The following MFSD12 variants were observed in gnomAD, a reference collection of about 807,000 sequenced individuals.
MFSD12 encodes major facilitator superfamily domain containing 12, also known as major facilitator superfamily domain-containing protein 12.
Under a neutral mutation model 51.2 loss-of-function variants are expected in MFSD12, and 67 were observed. That is an observed-to-expected ratio of 1.31 (90% CI 1.08 to 1.60). The LOEUF is 1.60. Among genes scored for constraint, MFSD12 ranks in the 40% most tolerant of loss-of-function variants. MFSD12 has a pLI of 0.00. For missense variants in MFSD12, 921 were observed against 673.0 expected (o/e 1.37, Z -4.08); for synonymous variants, 441 against 316.7 (o/e 1.39, Z -4.17).
At chr19:3,542,703 G>C (rs544390451), downstream of MFSD12, 25 of 1,267,314 alleles carry the variant, frequency 2.0e-5, no homozygotes, top group Admixed American at 1.6e-4. Flanking sequence ...GGCTGGTCTC[G>C]AACTCCTGAC....
chr19:3,542,527 G>A (rs944965138), downstream of MFSD12: 16 of 929,130 alleles, frequency 1.7e-5, no homozygotes, highest in Middle Eastern at 5.4e-4. Flanking sequence ...AGGCTGGAGT[G>A]CAAGGGCACG....
chr19:3,539,070 TGGGAG>T (rs1355219272), intron 4 of MFSD12: 1 of 698,334 alleles, frequency 1.4e-6, no homozygotes, highest in African/African-American at 1.8e-5. Flanking sequence ...ACCCCGCAGC[TGGGAG>T]GAGGGAGTGG....
intron 4 of MFSD12, chr19:3,538,782 G>A (rs1214730140): frequency 1.9e-6 from 1 of 529,754 alleles, no homozygotes; most frequent in South Asian, 1.5e-5. Flanking sequence ...AAACGGACTG[G>A]ATGTGAGTGG....
chr19:3,545,086 C>T, intron 8 of MFSD12, 147 bp from the exon 9 acceptor site: 1 of 1,089,868 alleles, frequency 9.2e-7, no homozygotes, highest in Non-Finnish European at 1.3e-6. Context: ...TCCCTCCTGT[C>T]CCACACCCAA....
In MFSD12 at chr19:3,544,572, C is replaced by G; in HGVS notation, c.*138G>C. On this transcript the variant is annotated 3_prime_UTR_variant, in exon 10 of 10. Coordinates refer to ENST00000355415, the MANE Select transcript of MFSD12 (RefSeq NM_174983.5). Reference sequence around the variant, plus strand: ...CCCTGCTGCCCTCACCCGACCCCACCCCCGGGAGCTGGGTGAGGATGGAGG... The same window carrying G: ...CCCTGCTGCCCTCACCCGACCCCACGCCCGGGAGCTGGGTGAGGATGGAGG... 1 of 1,455,010 alleles carries G rather than the reference C, an allele frequency of 6.9e-7. No homozygotes were observed. Among genetic ancestry groups the G allele is most frequent in the South Asian group, 1.4e-5 (1 of 69,098 alleles). 90.1% of individuals were successfully genotyped at this position (1,455,010 alleles called of 1,614,324 possible).
chr19:3,544,095 CAG>C (rs974650591), downstream of MFSD12: 11 of 1,439,074 alleles, frequency 7.6e-6, no homozygotes, highest in African/African-American at 1.4e-4. Flanking sequence ...AGGCTCGGGA[CAG>C]AGGCAGACAC....
Position 3,544,544 on chromosome 19 carries a change from C to A in MFSD12, c.*166G>T. ...GGGGTCCTTGCAAGTCCCTGGCGGG[C>A]ATCCCTGCTGCCCTCACCCGACCCC... On this transcript the variant is annotated 3_prime_UTR_variant, in exon 10 of 10. Coordinates refer to ENST00000355415, the MANE Select transcript of MFSD12 (RefSeq NM_174983.5). 6 of 1,413,822 alleles carry A rather than the reference C, an allele frequency of 4.2e-6. No individual in the cohort carries two copies. Among genetic ancestry groups the A allele is most frequent in the Non-Finnish European group, 5.5e-6 (6 of 1,086,766 alleles). The allele number at this position is 1,413,822 out of a possible 1,614,324, so 87.6% of individuals were successfully genotyped here. A position where few individuals can be genotyped will look rare whatever the true frequency, so the allele number is the denominator to read the frequency against.
At chr19:3,542,814 C>T, downstream of MFSD12, 1 of 1,373,006 alleles carries the variant, frequency 7.3e-7, no homozygotes, top group Non-Finnish European at 9.7e-7. Flanking sequence ...TGGGCCATGG[C>T]TTAGTGCCAG....
At position 3,544,300 on chromosome 19, in the gene MFSD12, G is replaced by A; in HGVS notation, c.*410C>T. The A allele has an allele frequency of 1.6e-6, 2 of 1,281,502 alleles. No homozygotes were observed. Among genetic ancestry groups the A allele is most frequent in the Non-Finnish European group, 2.0e-6 (2 of 1,014,240 alleles). The allele number at this position is 1,281,502 out of a possible 1,614,324, so 79.4% of individuals were successfully genotyped here. Reference sequence around the variant, plus strand: ...TCCAGGCCCAGCCCACCACCCCGTGGCTGTCTCCTCCAGGCTCCAGCCGTC... The same window carrying A: ...TCCAGGCCCAGCCCACCACCCCGTGACTGTCTCCTCCAGGCTCCAGCCGTC... On this transcript the variant is annotated 3_prime_UTR_variant, in exon 10 of 10. Transcript: ENST00000355415.
intron 2 of MFSD12, among the ~76,000 whole-genome samples, chr19:3,549,849 G>A (rs1272345826): frequency 3.3e-5 from 5 of 151,764 alleles, no homozygotes. Flanking sequence ...CATGGTACAT[G>A]GTGAAACCCC....
downstream of MFSD12, chr19:3,541,765 G>A (rs555854174): frequency 1.1e-4 from 108 of 985,334 alleles, no homozygotes; most frequent in African/African-American, 2.3e-4. Flanking sequence ...GTACGGGGCC[G>A]ACAGCAGGGG....
chr19:3,549,581 G>T (rs1449956618), intron 2 of MFSD12, among the ~76,000 whole-genome samples: 1 of 151,138 alleles, frequency 6.6e-6, no homozygotes, highest in Non-Finnish European at 1.5e-5. Context: ...AAATTAGCCG[G>T]GGGTGGTGGC....
At position 3,551,422 on chromosome 19, in the gene MFSD12, CAGA is replaced by C. The variant is rs2031472019; in HGVS notation, c.299-231_299-229del. Among the ~76,000 whole-genome samples the C allele has an allele frequency of 6.6e-6, 1 of 152,214 alleles. No homozygotes were observed. Among genetic ancestry groups the C allele is most frequent in the Non-Finnish European group, 1.5e-5 (1 of 68,026 alleles). On this transcript the variant is annotated intron_variant, in intron 1 of 9. Coordinates refer to ENST00000355415, the MANE Select transcript of MFSD12 (RefSeq NM_174983.5). The surrounding 1 kb of genome is among the most constrained non-coding windows in gnomAD (Gnocchi z 4.6). ...AGGTGCCTGGGCTCAGCCTGCAAGT[CAGA>C]AGAAGCCAGGCGCAGGGGGTCCCCC... is the stretch of plus-strand genomic sequence containing the variant.
downstream of MFSD12, chr19:3,544,100 G>A (rs2030721370): frequency 1.4e-6 from 2 of 1,433,294 alleles, no homozygotes; most frequent in South Asian, 3.0e-5. Context: ...CGGGACAGAG[G>A]CAGACACTGG....
rs199634288 is a variant in MFSD12, at chr19:3,551,134, G to A, written c.359C>T (p.Ala120Val). 28 of 1,612,828 alleles carry A rather than the reference G, an allele frequency of 1.7e-5. No homozygotes were observed. The highest frequency in any genetic ancestry group is 9.9e-5 in the South Asian group (9 of 91,040). Residue 120 changes from alanine to valine, a missense_variant, in exon 2 of 10, where the codon GCG becomes GTG. Coordinates refer to ENST00000355415, the MANE Select transcript of MFSD12 (RefSeq NM_174983.5). This position sits in a 1 kb window ranked among gnomAD's most constrained non-coding sequence, Gnocchi z 4.6. The stretch of plus-strand genomic sequence containing the variant: ...GAGGGCAGCCCACTCGGGCGTGGCC[G>A]CCCCACAGCCCAGGCAGGGGCTGAA... ...FIFSPCLGCG[A>V]ATPEWAALLY...
At chr19:3,539,576 T>A (rs1369442362), downstream of MFSD12, 1 of 351,804 alleles carries the variant, frequency 2.8e-6, no homozygotes, top group East Asian at 4.5e-5. Context: ...GCTGGGCCCT[T>A]CTGTGGCTGA....
intron 1 of MFSD12, among the ~76,000 whole-genome samples, chr19:3,554,385 C>T (rs1181914197): frequency 1.3e-5 from 2 of 150,492 alleles, no homozygotes; most frequent in Admixed American, 1.3e-4. Flanking sequence ...TGCAGTGAGC[C>T]GAGATCCCGC....
At chr19:3,541,612 C>T (rs1012682348), downstream of MFSD12, 1 of 983,590 alleles carries the variant, frequency 1.0e-6, no homozygotes, top group African/African-American at 1.8e-5. Flanking sequence ...TGAGCCACCG[C>T]ACCCAGTGCA....
downstream of MFSD12, chr19:3,543,548 A>G: frequency 7.8e-7 from 1 of 1,280,144 alleles, no homozygotes. Flanking sequence ...CCCCCGCCCC[A>G]CCGCAGCCTA....
Sources: allele counts gnomAD v4.1 joint callset (sites outside exome capture counted in the v4.1 genomes callset), GRCh38; gene constraint gnomAD v4.1.1; non-coding constraint Gnocchi (gnomAD v3.1); transcripts MANE v1.5; gene names NCBI Gene and HGNC (gene_info 2026-07-23, HGNC 2026-07-21).